Variants in CACNG2 observed in about 807,000 individuals in gnomAD.
CACNG2 encodes the protein calcium voltage-gated channel auxiliary subunit gamma 2, also known as voltage-dependent calcium channel gamma-2 subunit.
A neutral mutation model predicts 25.9 loss-of-function variants in CACNG2; 3 were observed. That is an observed-to-expected ratio of 0.12 (90% CI 0.05 to 0.30). CACNG2 has a LOEUF of 0.30. CACNG2 is among the 10% of genes least tolerant of loss of function. The pLI is 1.00. For missense variants in CACNG2, 341 were observed against 432.5 expected (o/e 0.79, Z 1.88); for synonymous variants, 167 against 173.3 (o/e 0.96, Z 0.29).
chr22:36,679,231 C>CTTTCCTTCTTTCT (rs1569049917), intron 1 of CACNG2, among the ~76,000 whole-genome samples: 1 of 86,714 alleles, frequency 1.2e-5, no homozygotes, highest in African/African-American at 5.8e-5. Flanking sequence ...TCTTTCTTTC[C>CTTTCCTTCTTTCT]TTCTTTCTTT....
chr22:36,690,471 C>T (rs987611188), intron 1 of CACNG2, among the ~76,000 whole-genome samples: 7 of 152,160 alleles, frequency 4.6e-5, no homozygotes, highest in African/African-American at 1.4e-4. Context: ...CAACTGCTAG[C>T]GTCATAAATA....
chr22:36,623,177 T>C (rs969157020), intron 1 of CACNG2, among the ~76,000 whole-genome samples: 1 of 151,182 alleles, frequency 6.6e-6, no homozygotes, highest in Middle Eastern at 3.4e-3. Flanking sequence ...TGCACCTCCA[T>C]GTTGGGCTAA....
chr22:36,656,282 C>T (rs1231801928), intron 1 of CACNG2, among the ~76,000 whole-genome samples: 2 of 152,110 alleles, frequency 1.3e-5, no homozygotes, highest in Admixed American at 6.5e-5. Context: ...AGTTATGGTT[C>T]TAATGAATGA....
chr22:36,644,498 C>A (rs896556922), intron 1 of CACNG2, among the ~76,000 whole-genome samples: 1 of 152,168 alleles, frequency 6.6e-6, no homozygotes, highest in Non-Finnish European at 1.5e-5. Flanking sequence ...ACTCACCACT[C>A]CTGGTAAATC....
intron 2 of CACNG2, among the ~76,000 whole-genome samples, chr22:36,570,939 C>T (rs1935215402): frequency 6.6e-6 from 1 of 152,060 alleles, no homozygotes; most frequent in Non-Finnish European, 1.5e-5. Flanking sequence ...GGTAGTGTCA[C>T]AAACGGAATG....
chr22:36,617,158 G>A (rs1476500601), intron 1 of CACNG2, among the ~76,000 whole-genome samples: 4 of 152,148 alleles, frequency 2.6e-5, no homozygotes, highest in Non-Finnish European at 5.9e-5. Flanking sequence ...ATGGGGGTGG[G>A]GAGATTGGTA....
At chr22:36,643,290 C>A (rs1199291529) in intron 1 of CACNG2, among the ~76,000 whole-genome samples, 1 of 150,938 alleles carries the variant, frequency 6.6e-6, no homozygotes, top group Non-Finnish European at 1.5e-5. Context: ...CTCCCTTCCT[C>A]CCTTCCTTTT....
intron 2 of CACNG2, among the ~76,000 whole-genome samples, chr22:36,567,720 CA>C (rs1417511908): frequency 2.0e-5 from 3 of 152,140 alleles, no homozygotes; most frequent in Non-Finnish European, 4.4e-5. Flanking sequence ...CGAAGTAAAA[CA>C]TTTTTTTTTT....
chr22:36,623,237 T>C (rs1936135848), intron 1 of CACNG2, among the ~76,000 whole-genome samples: 1 of 151,842 alleles, frequency 6.6e-6, no homozygotes, highest in Non-Finnish European at 1.5e-5. Context: ...GTCAGGCTGG[T>C]CTCGAACTCC....
At chr22:36,685,950 G>C (rs1937190725) in intron 1 of CACNG2, among the ~76,000 whole-genome samples, 1 of 152,208 alleles carries the variant, frequency 6.6e-6, no homozygotes, top group African/African-American at 2.4e-5. Context: ...AGAGCTTGAG[G>C]TGTGCCAGGC....
intron 1 of CACNG2, among the ~76,000 whole-genome samples, chr22:36,616,441 T>C (rs902278845): frequency 6.6e-6 from 1 of 152,218 alleles, no homozygotes; most frequent in Non-Finnish European, 1.5e-5. Context: ...CGCCATAGTC[T>C]AGCGCCTTAC....
chr22:36,570,324 A>G (rs1310093904), intron 2 of CACNG2, among the ~76,000 whole-genome samples: 1 of 152,202 alleles, frequency 6.6e-6, no homozygotes, highest in Non-Finnish European at 1.5e-5. Context: ...GAGGAATCAG[A>G]ACGGCTTCAG....
chr22:36,666,093 A>G lies in CACNG2; in HGVS notation c.211+36273T>C, dbSNP rs527803221. Among the ~76,000 whole-genome samples, 10 of 152,338 alleles carry G rather than the reference A, an allele frequency of 6.6e-5. No individual in the cohort carries two copies. In the South Asian group the frequency reaches 1.9e-3, roughly 28 times the overall value. On this transcript the variant is annotated intron_variant, in intron 1 of 3. Coordinates refer to ENST00000300105, the MANE Select transcript of CACNG2 (RefSeq NM_006078.5). ...GATGAAACTTGAGGACATTATGCTA[A>G]TGAAATAAGCCAGACAAAAAGATAA...
At chr22:36,626,139 C>T (rs1200939118) in intron 1 of CACNG2, among the ~76,000 whole-genome samples, 4 of 152,174 alleles carry the variant, frequency 2.6e-5, no homozygotes, top group Admixed American at 6.5e-5. Flanking sequence ...AGGCTGGTCT[C>T]GAACTCCTGA....
At chr22:36,636,562 T>A (rs1440077723) in intron 1 of CACNG2, among the ~76,000 whole-genome samples, 1 of 152,236 alleles carries the variant, frequency 6.6e-6, no homozygotes, top group South Asian at 2.1e-4. Flanking sequence ...GCCATTGAAC[T>A]GTACATCATA....
Position 36,563,309 on chromosome 22 carries a change from G to A in CACNG2, c.*1042C>T, listed in dbSNP as rs1346992667. On this transcript the variant is annotated 3_prime_UTR_variant, in exon 4 of 4. Transcript: ENST00000300105. ...AGTCAGGGGGTCCACCATCGCCCCAGGGTCATCAGGTGGCCCTGAGGTGAG... is the reference window on the plus strand; with the variant it reads ...AGTCAGGGGGTCCACCATCGCCCCAAGGTCATCAGGTGGCCCTGAGGTGAG... 1.3e-5 allele frequency among the ~76,000 whole-genome samples: 2 copies of A among 152,038 alleles called. No individual in the cohort carries two copies. The highest frequency in any genetic ancestry group is 2.1e-4 in the South Asian group (1 of 4,818).
chr22:36,569,205 A>T (rs1603500302), intron 2 of CACNG2, among the ~76,000 whole-genome samples: 1 of 152,162 alleles, frequency 6.6e-6, no homozygotes, highest in East Asian at 1.9e-4. Flanking sequence ...CAGGTACCTA[A>T]CATATATGAT....
At chr22:36,649,307 T>C (rs991566476) in intron 1 of CACNG2, among the ~76,000 whole-genome samples, 5 of 152,186 alleles carry the variant, frequency 3.3e-5, no homozygotes, top group Non-Finnish European at 7.3e-5. Flanking sequence ...TTTTTCTTTT[T>C]TTGAGACGGA....
At chr22:36,628,024 T>A (rs1267728535) in intron 1 of CACNG2, among the ~76,000 whole-genome samples, 1 of 152,328 alleles carries the variant, frequency 6.6e-6, no homozygotes, top group East Asian at 1.9e-4. Flanking sequence ...TATACATATA[T>A]GTACATTCAC....
Sources: allele counts gnomAD v4.1 joint callset (sites outside exome capture counted in the v4.1 genomes callset), GRCh38; gene constraint gnomAD v4.1.1; transcripts MANE v1.5; gene names NCBI Gene and HGNC (gene_info 2026-07-23, HGNC 2026-07-21).